MSRA: variants seen among roughly 807,000 people sequenced by gnomAD.
The protein encoded by MSRA is methionine sulfoxide reductase A.
Under a neutral mutation model 31.3 loss-of-function variants are expected in MSRA, and 54 were observed. The ratio of observed to expected loss-of-function variants is 1.73; its 90% CI spans 1.39 to 2.17. The LOEUF (loss-of-function observed/expected upper bound fraction) is 2.17. Among genes scored for constraint, MSRA ranks in the 30% most tolerant of loss-of-function variants. The pLI is 0.00. For synonymous variants in MSRA, 169 were observed against 116.5 expected, an observed-to-expected ratio of 1.45 and a Z score of -2.90; for missense variants, 507 against 300.9, an observed-to-expected ratio of 1.69 and a Z score of -5.07.
chr8:10,339,370 A>C (rs1005051232), intron 5 of MSRA, among the ~76,000 whole-genome samples: 9 of 152,178 alleles, frequency 5.9e-5, no homozygotes, highest in African/African-American at 2.2e-4. Context: ...GAGTTTCCAA[A>C]ACTTATGATT....
At chr8:10,265,654 C>T (rs1274544112) in intron 3 of MSRA, among the ~76,000 whole-genome samples, 1 of 152,094 alleles carries the variant, frequency 6.6e-6, no homozygotes, top group Non-Finnish European at 1.5e-5. Context: ...GAACAGTATA[C>T]GTTTTGACAT....
rs187776990 is a variant in MSRA, at chr8:10,277,247, C to G, written c.332-24287C>G. ...TCTTTTTCTCCTTACAATAATTTAG[C>G]TAATGAAAGTACATGTCCAGGTATT... On this transcript the variant is annotated intron_variant, in intron 3 of 5. Coordinates refer to ENST00000317173, the MANE Select transcript of MSRA (RefSeq NM_012331.5). Among the ~76,000 whole-genome samples, 120 of 152,236 alleles carry G rather than the reference C, an allele frequency of 7.9e-4. 3 individuals are homozygous for G. In the South Asian group the frequency reaches 0.017, roughly 21 times the overall value.
chr8:10,159,651 A>ATT (rs34937496), intron 1 of MSRA, among the ~76,000 whole-genome samples: 38,308 of 151,976 alleles, frequency 0.25, 5,875 homozygotes, highest in East Asian at 0.49. Flanking sequence ...AGTAAAGTAA[A>ATT]TTTTGTGTAT....
intron 1 of MSRA, among the ~76,000 whole-genome samples, chr8:10,119,403 C>T (rs1456512365): frequency 6.6e-6 from 1 of 152,236 alleles, no homozygotes; most frequent in East Asian, 1.9e-4. Flanking sequence ...TAACAGAGGA[C>T]ATGTGGACGT....
intron 4 of MSRA, among the ~76,000 whole-genome samples, chr8:10,318,542 T>C (rs1360671079): frequency 1.3e-5 from 2 of 152,234 alleles, no homozygotes; most frequent in African/African-American, 4.8e-5. Context: ...GGAGTTATTC[T>C]ATCATCAATA....
At chr8:10,250,628 A>C (rs1255425985) in intron 3 of MSRA, 1 of 613,614 alleles carries the variant, frequency 1.6e-6, no homozygotes, top group East Asian at 2.8e-5. Flanking sequence ...TGTTCAGCAG[A>C]GGTTTCGAGC....
intron 1 of MSRA, among the ~76,000 whole-genome samples, chr8:10,057,132 A>G (rs1802417023): frequency 6.6e-6 from 1 of 152,176 alleles, no homozygotes; most frequent in Non-Finnish European, 1.5e-5. Flanking sequence ...GGCTACCTAA[A>G]ATGGATGAAA....
intron 5 of MSRA, among the ~76,000 whole-genome samples, chr8:10,332,355 T>A (rs928890855): frequency 2.0e-5 from 3 of 152,218 alleles, no homozygotes; most frequent in Non-Finnish European, 4.4e-5. Flanking sequence ...AAATTTTTTT[T>A]ATCTGTGCTT....
chr8:10,352,997 GT>G (rs1804276915), intron 5 of MSRA, among the ~76,000 whole-genome samples: 1 of 152,128 alleles, frequency 6.6e-6, no homozygotes, highest in Admixed American at 6.5e-5. Flanking sequence ...TGTTTTTGAG[GT>G]GTGTCTCTGT....
At chr8:10,238,213 A>G (rs1812116316) in intron 2 of MSRA, among the ~76,000 whole-genome samples, 2 of 152,132 alleles carry the variant, frequency 1.3e-5, no homozygotes, top group Non-Finnish European at 2.9e-5. Context: ...TGCTGGGGAT[A>G]TCTGAATGGG....
At chr8:10,235,092 G>A (rs952767177) in intron 2 of MSRA, among the ~76,000 whole-genome samples, 1 of 150,968 alleles carries the variant, frequency 6.6e-6, no homozygotes, top group African/African-American at 2.4e-5. Context: ...GTAAAACCCT[G>A]TACCTAAGAA....
At chr8:10,072,300 G>C (rs1216865027) in intron 1 of MSRA, among the ~76,000 whole-genome samples, 1 of 60,208 alleles carries the variant, frequency 1.7e-5, no homozygotes, top group South Asian at 9.2e-4. Flanking sequence ...ACTCCCTTTC[G>C]CAACATTTTT....
At chr8:10,057,627 T>G (rs935181175) in intron 1 of MSRA, among the ~76,000 whole-genome samples, 4 of 152,174 alleles carry the variant, frequency 2.6e-5, no homozygotes, top group Non-Finnish European at 5.9e-5. Context: ...GATTGAAACA[T>G]GCGGGGGGTG....
At chr8:10,101,883 A>G (rs1434950585) in intron 1 of MSRA, among the ~76,000 whole-genome samples, 5 of 152,202 alleles carry the variant, frequency 3.3e-5, no homozygotes, top group Admixed American at 2.6e-4. Context: ...TCCTGTTTCC[A>G]GTTCTTTTGA....
chr8:10,123,769 C>T (rs1236592951), intron 1 of MSRA, among the ~76,000 whole-genome samples: 2 of 151,970 alleles, frequency 1.3e-5, no homozygotes, highest in Non-Finnish European at 2.9e-5. Context: ...TTCCTCATTG[C>T]TTGTTTTTGT....
At chr8:10,426,092 C>G (rs3750311) in intron 5 of MSRA, among the ~76,000 whole-genome samples, 1 of 151,988 alleles carries the variant, frequency 6.6e-6, no homozygotes, top group Non-Finnish European at 1.5e-5. Context: ...CAGGCAAATG[C>G]TAGCGATGGT....
chr8:10,103,020 T>C (rs1799639404), intron 1 of MSRA, among the ~76,000 whole-genome samples: 1 of 152,192 alleles, frequency 6.6e-6, no homozygotes, highest in Non-Finnish European at 1.5e-5. Context: ...CTTTAATCAC[T>C]AGCTACCCAG....
intron 2 of MSRA, among the ~76,000 whole-genome samples, chr8:10,232,335 C>T (rs755719840): frequency 3.5e-4 from 54 of 152,264 alleles, no homozygotes; most frequent in Admixed American, 3.3e-4. Flanking sequence ...TTCAGTGGTA[C>T]CCTTAGTAGG....
intron 1 of MSRA, among the ~76,000 whole-genome samples, chr8:10,106,990 G>C (rs1028915797): frequency 1.3e-5 from 2 of 151,952 alleles, no homozygotes; most frequent in African/African-American, 4.8e-5. Context: ...CCATGCAGCT[G>C]TCAGCCCATT....
Sources: allele counts gnomAD v4.1 joint callset (sites outside exome capture counted in the v4.1 genomes callset), GRCh38; gene constraint gnomAD v4.1.1; transcripts MANE v1.5; gene names NCBI Gene and HGNC (gene_info 2026-07-23, HGNC 2026-07-21).